ATP10A: variants seen among roughly 807,000 people sequenced by gnomAD.
ATP10A encodes phospholipid-transporting ATPase VA.
A neutral mutation model predicts 147.8 loss-of-function variants in ATP10A; 111 were observed. The observed-to-expected ratio is 0.75, with a 90% CI of 0.64 to 0.88. The LOEUF is 0.88. Among genes scored for constraint, ATP10A ranks in the 40% least tolerant of loss-of-function variants. ATP10A has a pLI of 0.00. For missense variants in ATP10A, 1,927 were observed against 1,959.0 expected, an observed-to-expected ratio of 0.98 and a Z score of 0.31; for synonymous variants, 875 against 841.6, an observed-to-expected ratio of 1.04 and a Z score of -0.69.
chr15:25,754,459 A>T (rs4906632), intron 2 of ATP10A, among the ~76,000 whole-genome samples: 1 of 152,004 alleles, frequency 6.6e-6, no homozygotes, highest in Non-Finnish European at 1.5e-5. Context: ...AGCAGTTGCC[A>T]TAAGTGGTTA....
chr15:25,779,983 G>C (rs191903775), intron 2 of ATP10A, among the ~76,000 whole-genome samples: 3 of 152,258 alleles, frequency 2.0e-5, no homozygotes, highest in Non-Finnish European at 4.4e-5. Context: ...GGAGTACCTG[G>C]CCTGCTGCAA....
intron 1 of ATP10A, chr15:25,861,999 A>G (rs2140929987): frequency 3.1e-6 from 1 of 326,522 alleles, no homozygotes; most frequent in East Asian, 9.5e-5. Context: ...AGGGCTCACA[A>G]ACACCCCACA....
intron 1 of ATP10A, among the ~76,000 whole-genome samples, chr15:25,857,319 C>T (rs550760979): frequency 5.6e-4 from 85 of 152,042 alleles, no homozygotes; most frequent in Non-Finnish European, 9.1e-4. Context: ...TGGTGGCGTG[C>T]ACCCGTGGTC....
chr15:25,800,098 T>G (rs934591347), intron 1 of ATP10A, among the ~76,000 whole-genome samples: 3 of 152,186 alleles, frequency 2.0e-5, no homozygotes, highest in Non-Finnish European at 4.4e-5. Context: ...TCACATCAAG[T>G]GCAAAACGCA....
rs187269339 is a variant in ATP10A at position 25,697,292 on chromosome 15, C to T, written c.2761-2146G>A. On this transcript the variant is annotated intron_variant, in intron 13 of 20. Coordinates refer to ENST00000555815, the MANE Select transcript of ATP10A (RefSeq NM_024490.4). ...CACCCAGAGCTCACAGCCCAAACCC[C>T]ACAGGGTTGATCACCTGCTTAAAAA... Among the ~76,000 whole-genome samples the T allele has an allele frequency of 5.9e-5, 9 of 152,302 alleles. No homozygotes were observed. The East Asian group carries it at 1.7e-3, about 29-fold the overall frequency.
intron 2 of ATP10A, among the ~76,000 whole-genome samples, chr15:25,777,010 T>C (rs952505118): frequency 3.3e-5 from 5 of 152,102 alleles, no homozygotes; most frequent in Non-Finnish European, 7.4e-5. Context: ...CACTGGTGAA[T>C]AGGCCTGAGT....
chr15:25,676,886 G>T (rs1784057081), downstream of ATP10A, among the ~76,000 whole-genome samples: 2 of 151,924 alleles, frequency 1.3e-5, no homozygotes, highest in Admixed American at 6.6e-5. Flanking sequence ...AATCATAATG[G>T]GTTACTGCAA....
chr15:25,807,581 T>C (rs1354219397), intron 1 of ATP10A, among the ~76,000 whole-genome samples: 1 of 152,180 alleles, frequency 6.6e-6, no homozygotes, highest in African/African-American at 2.4e-5. Flanking sequence ...GGCGGGCAGA[T>C]CACCTGAGGT....
In ATP10A at chr15:25,863,255, GC is replaced by G. The variant is rs1893860902; in HGVS notation, c.-160del. The G allele has an allele frequency of 3.0e-6, 1 of 331,958 alleles. No individual in the cohort carries two copies. The highest frequency in any genetic ancestry group is 4.4e-6 in the Non-Finnish European group (1 of 227,598). 20.6% of individuals were successfully genotyped at this position (331,958 alleles called of 1,614,324 possible). A position where few individuals can be genotyped will look rare whatever the true frequency, so the allele number is the denominator to read the frequency against. On this transcript the variant is annotated 5_prime_UTR_variant, in exon 1 of 21. Transcript: ENST00000555815. ...GCGCGCCGCCTGGCCGGCCCAGCGC[GC>G]CCAGCCCGCGCCCAGCCCCGTCCAC...
chr15:25,717,202 A>G (rs953898883), intron 8 of ATP10A, among the ~76,000 whole-genome samples: 10 of 151,796 alleles, frequency 6.6e-5, no homozygotes, highest in African/African-American at 1.9e-4. Context: ...TTTTATATAC[A>G]TATTGGTGGT....
intron 2 of ATP10A, among the ~76,000 whole-genome samples, chr15:25,737,003 C>G (rs1451727205): frequency 3.9e-5 from 6 of 152,230 alleles, no homozygotes; most frequent in Non-Finnish European, 8.8e-5. Context: ...GCCGCAACCA[C>G]ACATTTCCCT....
chr15:25,857,461 T>G (rs989399057), intron 1 of ATP10A, among the ~76,000 whole-genome samples: 3 of 152,134 alleles, frequency 2.0e-5, no homozygotes, highest in South Asian at 4.2e-4. Context: ...AATAATAATT[T>G]TTTTTAGGTA....
intron 6 of ATP10A, among the ~76,000 whole-genome samples, 162 bp from the exon 7 acceptor site, chr15:25,722,071 A>C (rs1316392738): frequency 1.3e-5 from 2 of 152,202 alleles, no homozygotes; most frequent in African/African-American, 2.4e-5. Context: ...TCAGTATTGG[A>C]AAAGTATTAG....
chr15:25,821,370 G>A, intron 1 of ATP10A, among the ~76,000 whole-genome samples: 1 of 149,402 alleles, frequency 6.7e-6, no homozygotes, highest in Admixed American at 6.7e-5. Context: ...CAGCCTGGGT[G>A]ACAGAGTAAG....
chr15:25,774,548 C>A (rs1240625602), intron 2 of ATP10A, among the ~76,000 whole-genome samples: 1 of 149,828 alleles, frequency 6.7e-6, no homozygotes, highest in African/African-American at 2.5e-5. Context: ...TGCACTCCAG[C>A]CTGGGCAACA....
chr15:25,744,284 C>G (rs956328716), intron 2 of ATP10A, among the ~76,000 whole-genome samples: 1 of 152,024 alleles, frequency 6.6e-6, no homozygotes, highest in African/African-American at 2.4e-5. Flanking sequence ...ATTGCTAGAA[C>G]CCCTAGATAC....
intron 12 of ATP10A, among the ~76,000 whole-genome samples, chr15:25,707,317 T>A (rs1901090756): frequency 6.6e-6 from 1 of 152,076 alleles, no homozygotes. Flanking sequence ...ACCACCTGAC[T>A]CACAGCACCC....
intron 13 of ATP10A, among the ~76,000 whole-genome samples, chr15:25,696,106 C>T (rs1900323917): frequency 6.6e-6 from 1 of 152,190 alleles, no homozygotes; most frequent in Admixed American, 6.5e-5. Context: ...GCCTGGGCAG[C>T]TCCTGATCCT....
At chr15:25,706,843 C>T (rs1426220600) in intron 12 of ATP10A, among the ~76,000 whole-genome samples, 7 of 152,170 alleles carry the variant, frequency 4.6e-5, no homozygotes, top group African/African-American at 9.7e-5. Context: ...TGAGGCTGGG[C>T]GGGCACGTCT....
Sources: gnomAD v4.1 joint callset for allele counts (sites outside exome capture counted in the v4.1 genomes callset) on GRCh38, gnomAD v4.1.1 for gene constraint, MANE v1.5 for transcripts, NCBI Gene and HGNC (gene_info 2026-07-23, HGNC 2026-07-21) for gene names.